TBC1D5: variants seen among roughly 807,000 people sequenced by gnomAD.
TBC1D5 encodes TBC1 domain family member 5.
In TBC1D5, 75 loss-of-function variants were observed where a neutral mutation model predicts 100.3. The observed-to-expected ratio is 0.75, with a 90% CI of 0.62 to 0.91. TBC1D5 has a LOEUF of 0.91. Ranked by LOEUF, TBC1D5 falls within the 40% of genes least tolerant of loss-of-function variation. TBC1D5 has a pLI of 0.00. For synonymous variants in TBC1D5, 323 were observed against 325.6 expected (o/e 0.99, Z 0.09); for missense variants, 910 against 942.4 (o/e 0.97, Z 0.45).
intron 7 of TBC1D5, 24 bp from the exon 8 acceptor site, chr3:17,403,272 T>C (rs993427117): frequency 6.6e-7 from 1 of 1,523,294 alleles, no homozygotes; most frequent in Middle Eastern, 1.7e-4. Context: ...AACAATCTAT[T>C]ATATAGTCTC....
At chr3:17,356,269 G>C (rs1349517094) in intron 13 of TBC1D5, among the ~76,000 whole-genome samples, 1 of 152,128 alleles carries the variant, frequency 6.6e-6, no homozygotes, top group Non-Finnish European at 1.5e-5. Context: ...TGAAATAGCA[G>C]GGTGAAAGCA....
At chr3:17,240,241 G>A (rs913266209) in intron 16 of TBC1D5, among the ~76,000 whole-genome samples, 1 of 152,054 alleles carries the variant, frequency 6.6e-6, no homozygotes, top group African/African-American at 2.4e-5. Flanking sequence ...ACATTGCTTT[G>A]GAGGTAGGAC....
At chr3:17,530,262 A>AG (rs1182148033) in intron 2 of TBC1D5, among the ~76,000 whole-genome samples, 2 of 150,604 alleles carry the variant, frequency 1.3e-5, no homozygotes, top group African/African-American at 2.4e-5. Flanking sequence ...AAAAAAAAAA[A>AG]GGGAAAAAAC....
chr3:17,588,280 T>C (rs562176639), intron 2 of TBC1D5, among the ~76,000 whole-genome samples: 44 of 147,346 alleles, frequency 3.0e-4, no homozygotes, highest in African/African-American at 9.9e-4. Context: ...GAGAACACTA[T>C]GGGCAGAATT....
At chr3:17,193,114 A>G (rs2070177616) in intron 18 of TBC1D5, among the ~76,000 whole-genome samples, 1 of 152,216 alleles carries the variant, frequency 6.6e-6, no homozygotes, top group South Asian at 2.1e-4. Flanking sequence ...AAAGTTAAAA[A>G]TTGCCTGTGA....
At chr3:17,508,417 C>A in intron 3 of TBC1D5, 57 bp downstream of exon 3, 2 of 1,368,462 alleles carry the variant, frequency 1.5e-6, no homozygotes, top group Non-Finnish European at 2.1e-6. Context: ...AACTGAGGGC[C>A]CTCTGCTAGG....
chr3:17,663,818 A>C (rs1484310704), intron 1 of TBC1D5, among the ~76,000 whole-genome samples: 1 of 152,210 alleles, frequency 6.6e-6, no homozygotes, highest in Non-Finnish European at 1.5e-5. Context: ...TGGTTAAAAA[A>C]TATATAGTAC....
chr3:17,439,542 T>A (rs575220808), intron 3 of TBC1D5, among the ~76,000 whole-genome samples: 1 of 152,122 alleles, frequency 6.6e-6, no homozygotes, highest in East Asian at 1.9e-4. Flanking sequence ...AATCTTCAAA[T>A]ATCAATTTTT....
chr3:17,381,789 A>ATCT (rs35161245), intron 9 of TBC1D5, among the ~76,000 whole-genome samples: 13,658 of 151,966 alleles, frequency 0.09, 1,399 homozygotes, highest in African/African-American at 0.25. Context: ...TTTCTCCTAA[A>ATCT]TCTTCTAGTA....
intron 3 of TBC1D5, among the ~76,000 whole-genome samples, chr3:17,455,348 G>GTGTATATATGTGTATGTA (rs2095048418): frequency 7.7e-6 from 1 of 129,136 alleles, no homozygotes; most frequent in African/African-American, 3.5e-5. Flanking sequence ...ATGTATATAT[G>GTGTATATATGTGTATGTA]TATATGTATA....
At chr3:17,343,135 C>T (rs377373190) in intron 13 of TBC1D5, among the ~76,000 whole-genome samples, 29 of 150,534 alleles carry the variant, frequency 1.9e-4, no homozygotes, top group Admixed American at 3.3e-4. Context: ...TTTGGAGATA[C>T]GTCCCATCAA....
chr3:17,713,313 C>A lies in TBC1D5; in HGVS notation c.-101+26030G>T, dbSNP rs2074930921. Among the ~76,000 whole-genome samples, 3 of 150,604 alleles carry A rather than the reference C, an allele frequency of 2.0e-5. No homozygotes were observed. In the Admixed American group the frequency reaches 2.0e-4, roughly 10 times the overall value. ...CTGGAGTGCAGTGGCGCGATCTCAG[C>A]TTACTGCAAGCTCCGCCTCCAGGGT... On this transcript the variant is annotated intron_variant, in intron 1 of 21. Transcript: ENST00000253692.
At chr3:17,374,562 G>A (rs1049041548) in intron 11 of TBC1D5, 22 bp from the exon 12 acceptor site, 37 of 1,609,950 alleles carry the variant, frequency 2.3e-5, no homozygotes, top group Non-Finnish European at 3.1e-5. Flanking sequence ...ATAACACAAT[G>A]CTATGTAACT....
At chr3:17,371,638 T>C (rs1049738384) in intron 13 of TBC1D5, among the ~76,000 whole-genome samples, 27 of 152,232 alleles carry the variant, frequency 1.8e-4, no homozygotes, top group African/African-American at 6.0e-4. Flanking sequence ...AGCATGCACA[T>C]AGACACACAA....
intron 13 of TBC1D5, among the ~76,000 whole-genome samples, chr3:17,365,316 T>C (rs185602765): frequency 8.5e-5 from 13 of 152,318 alleles, no homozygotes; most frequent in African/African-American, 3.1e-4. Context: ...AGCTAGTGCA[T>C]GCGTAACTCA....
intron 1 of TBC1D5, among the ~76,000 whole-genome samples, chr3:17,660,939 A>C (rs2066583324): frequency 6.6e-6 from 1 of 152,172 alleles, no homozygotes; most frequent in Admixed American, 6.6e-5. Context: ...TTATAAACAA[A>C]TTACAATCTT....
At chr3:17,521,813 T>C (rs1417095761) in intron 2 of TBC1D5, among the ~76,000 whole-genome samples, 2 of 152,146 alleles carry the variant, frequency 1.3e-5, no homozygotes, top group Non-Finnish European at 2.9e-5. Flanking sequence ...ATCTAAGGTA[T>C]GATCATCAAA....
chr3:17,644,147 T>G (rs1307560298), intron 1 of TBC1D5: 5 of 152,146 alleles, frequency 3.3e-5, no homozygotes, highest in Non-Finnish European at 7.4e-5. Flanking sequence ...TAAGCTTAAA[T>G]TATTCACTTA....
chr3:17,187,636 A>G (rs866232896), intron 18 of TBC1D5, among the ~76,000 whole-genome samples: 5 of 152,240 alleles, frequency 3.3e-5, no homozygotes, highest in African/African-American at 1.2e-4. Context: ...TGGCAGAATG[A>G]AAACAACACT....
Sources: gnomAD v4.1 joint callset for allele counts (sites outside exome capture counted in the v4.1 genomes callset) on GRCh38, gnomAD v4.1.1 for gene constraint, MANE v1.5 for transcripts, NCBI Gene and HGNC (gene_info 2026-07-23, HGNC 2026-07-21) for gene names.